PTPRG: variants seen among roughly 807,000 people sequenced by gnomAD.
PTPRG encodes the protein receptor-type tyrosine-protein phosphatase gamma.
In PTPRG, 102 loss-of-function variants were observed where a neutral mutation model predicts 165.3. That is an observed-to-expected ratio of 0.62 (90% CI 0.53 to 0.73). The LOEUF is 0.73. Ranked by LOEUF, PTPRG falls within the 30% of genes least tolerant of loss-of-function variation. The probability of loss-of-function intolerance (pLI) is 0.00; values close to 1 mark genes in which losing one functional copy is unlikely to be tolerated. For synonymous variants in PTPRG, 675 were observed against 669.5 expected (o/e 1.01, Z -0.13); for missense variants, 1,866 against 1,861.4 (o/e 1.00, Z -0.05).
At chr3:62,184,055 C>G (rs1420803874) in intron 8 of PTPRG, among the ~76,000 whole-genome samples, 1 of 152,226 alleles carries the variant, frequency 6.6e-6, no homozygotes, top group Non-Finnish European at 1.5e-5. Flanking sequence ...TCTTCTCACT[C>G]TGGTTCCTTG....
chr3:61,679,759 C>G (rs549944969), intron 1 of PTPRG, among the ~76,000 whole-genome samples: 2 of 151,848 alleles, frequency 1.3e-5, no homozygotes, highest in African/African-American at 4.8e-5. Context: ...GCAGCCTGGG[C>G]GACGAGCGAA....
At chr3:61,801,687 T>A (rs1474555739) in intron 2 of PTPRG, among the ~76,000 whole-genome samples, 1 of 152,180 alleles carries the variant, frequency 6.6e-6, no homozygotes, top group East Asian at 1.9e-4. Context: ...GTTTCTGGGC[T>A]CTGCCATCCA....
At chr3:62,169,977 A>AG (rs1198034103) in intron 8 of PTPRG, among the ~76,000 whole-genome samples, 2 of 152,194 alleles carry the variant, frequency 1.3e-5, no homozygotes, top group African/African-American at 2.4e-5. Flanking sequence ...TGTTTCTGAA[A>AG]AGGAGCTAAA....
At chr3:61,928,419 A>AT (rs1313828148) in intron 2 of PTPRG, among the ~76,000 whole-genome samples, 1 of 152,164 alleles carries the variant, frequency 6.6e-6, no homozygotes, top group East Asian at 1.9e-4. Context: ...GCCTGAGTCC[A>AT]TTTTTTTAAT....
At chr3:61,977,876 G>A (rs2040545097) in intron 2 of PTPRG, among the ~76,000 whole-genome samples, 1 of 152,160 alleles carries the variant, frequency 6.6e-6, no homozygotes, top group South Asian at 2.1e-4. Flanking sequence ...CATAATGCAT[G>A]TTGGGTTTTT....
intron 4 of PTPRG, among the ~76,000 whole-genome samples, chr3:62,059,350 A>G (rs1700731233): frequency 6.6e-6 from 1 of 152,128 alleles, no homozygotes; most frequent in Non-Finnish European, 1.5e-5. Flanking sequence ...AAACAGCTCT[A>G]AAGCTTGCCC....
intron 2 of PTPRG, among the ~76,000 whole-genome samples, chr3:61,912,323 C>A (rs570841362): frequency 1.3e-5 from 2 of 152,032 alleles, no homozygotes; most frequent in Admixed American, 1.3e-4. Flanking sequence ...GAGAACTAGC[C>A]CACTGAGAAG....
chr3:61,649,367 C>A (rs559487086), intron 1 of PTPRG, among the ~76,000 whole-genome samples: 1 of 152,236 alleles, frequency 6.6e-6, no homozygotes, highest in South Asian at 2.1e-4. Flanking sequence ...GTTCTGGAGG[C>A]TGGGAAGTCC....
chr3:61,811,719 G>A (rs956523699), intron 2 of PTPRG, among the ~76,000 whole-genome samples: 5 of 152,316 alleles, frequency 3.3e-5, no homozygotes, highest in African/African-American at 1.2e-4. Flanking sequence ...ATTTAAAGGT[G>A]TAATCAGCCA....
intron 2 of PTPRG, among the ~76,000 whole-genome samples, chr3:61,823,780 A>C (rs2107266138): frequency 6.6e-6 from 1 of 152,312 alleles, no homozygotes; most frequent in South Asian, 2.1e-4. Context: ...AAATGCCTTC[A>C]TTCTTGGATA....
chr3:61,644,248 C>T (rs1702141427), intron 1 of PTPRG, among the ~76,000 whole-genome samples: 1 of 152,158 alleles, frequency 6.6e-6, no homozygotes, highest in African/African-American at 2.4e-5. Context: ...TTTTGAATAT[C>T]ATTTCTCACA....
At chr3:62,007,054 G>A (rs141014007) in intron 4 of PTPRG, among the ~76,000 whole-genome samples, 6 of 152,134 alleles carry the variant, frequency 3.9e-5, no homozygotes, top group African/African-American at 1.4e-4. Context: ...TGCTGTTCCT[G>A]GTTTCTTTAG....
At chr3:62,081,765 T>C (rs1701591248) in intron 5 of PTPRG, among the ~76,000 whole-genome samples, 2 of 152,228 alleles carry the variant, frequency 1.3e-5, no homozygotes, top group South Asian at 4.1e-4. Flanking sequence ...CATTTTTTAA[T>C]TTTTTTGCTC....
At position 62,034,131 on chromosome 3, in the gene PTPRG, C is replaced by T. The variant is rs144789105; in HGVS notation, c.519+30634C>T. On this transcript the variant is annotated intron_variant, in intron 4 of 29. Coordinates refer to ENST00000474889, the MANE Select transcript of PTPRG (RefSeq NM_002841.4). ...TACAGGGGATTGGTTCTGCAACCCC[C>T]GCATATACCAAAATGCTCACATACT... 8.1e-3 allele frequency among the ~76,000 whole-genome samples: 1,232 copies of T among 152,254 alleles called. 16 individuals carry two copies. The highest frequency in any genetic ancestry group is 0.025 in the African/African-American group (1,033 of 41,524).
At position 62,219,000 on chromosome 3, in the gene PTPRG, C is replaced by T. The variant is rs1700583133; in HGVS notation, c.2288+17C>T. 6.2e-7 allele frequency: 1 copy of T among 1,612,588 alleles called. No individual in the cohort carries two copies. The highest frequency in any genetic ancestry group is 1.7e-5 in the Admixed American group (1 of 59,856). On this transcript the variant is annotated intron_variant, in intron 13 of 29. Coordinates refer to ENST00000474889, the MANE Select transcript of PTPRG (RefSeq NM_002841.4). ...TTACTGGAGGTAAGCCAGGCAGCAC[C>T]TACAGCGTAGATTTGGGGGCCAGAT... is the stretch of plus-strand genomic sequence containing the variant.
chr3:61,747,180 C>T (rs1463336231), intron 1 of PTPRG, among the ~76,000 whole-genome samples: 4 of 152,148 alleles, frequency 2.6e-5, no homozygotes, highest in Non-Finnish European at 4.4e-5. Context: ...GTGCTCTGCT[C>T]ACCATAACTT....
chr3:61,774,532 G>A (rs903157976), intron 2 of PTPRG, among the ~76,000 whole-genome samples: 2 of 152,182 alleles, frequency 1.3e-5, no homozygotes, highest in Admixed American at 6.5e-5. Flanking sequence ...AGGACAAGAA[G>A]GCCACAAAGA....
chr3:62,157,079 T>C lies in PTPRG; in HGVS notation c.695T>C (p.Phe232Ser), dbSNP rs1244622049. ...TTTCCCCAAACAGAGAAGGAGACCT[T>C]TCTGGATCCTTTCGTCCTCCGGGAC... ...KGVVHHEKET[F>S]LDPFVLRDLL... is the part of the protein sequence containing the mutation. Residue 232 changes from phenylalanine to serine, a missense_variant, in exon 7 of 30, where the codon TTT becomes TCT. By Grantham distance (155) the Phe-to-Ser change is radical. Coordinates refer to ENST00000474889, the MANE Select transcript of PTPRG (RefSeq NM_002841.4). The C allele has an allele frequency of 6.2e-7, 1 of 1,605,880 alleles. No individual in the cohort carries two copies. The highest frequency in any genetic ancestry group is 8.5e-7 in the Non-Finnish European group (1 of 1,172,640).
intron 8 of PTPRG, among the ~76,000 whole-genome samples, chr3:62,172,760 T>G (rs1330606674): frequency 1.3e-5 from 2 of 152,104 alleles, no homozygotes; most frequent in African/African-American, 4.8e-5. Flanking sequence ...AGAGAATGAG[T>G]GGTATTCTGT....
Sources: gnomAD v4.1 joint callset for allele counts (sites outside exome capture counted in the v4.1 genomes callset) on GRCh38, gnomAD v4.1.1 for gene constraint, MANE v1.5 for transcripts, NCBI Gene and HGNC (gene_info 2026-07-23, HGNC 2026-07-21) for gene names.